Variants in DIP2C observed in about 807,000 individuals in gnomAD.
The protein encoded by DIP2C is DIP2 acetate--CoA ligase C (putative), also known as disco-interacting protein 2 homolog C.
A neutral mutation model predicts 192.4 loss-of-function variants in DIP2C; 33 were observed. The ratio of observed to expected loss-of-function variants is 0.17; its 90% CI spans 0.13 to 0.23. The LOEUF (loss-of-function observed/expected upper bound fraction) is 0.23, where lower values mean the gene tolerates loss of function less well. Among genes scored for constraint, DIP2C ranks in the 10% least tolerant of loss-of-function variants. The pLI is 1.00. For missense variants in DIP2C, 1,537 were observed against 2,110.1 expected (o/e 0.73, Z 5.32); for synonymous variants, 979 against 864.1 (o/e 1.13, Z -2.33).
intron 1 of DIP2C, among the ~76,000 whole-genome samples, chr10:506,809 T>TC (rs1235513450): frequency 6.6e-6 from 1 of 152,164 alleles, no homozygotes; most frequent in Admixed American, 6.5e-5. Flanking sequence ...AACGAGCCCC[T>TC]CACTGAAGTG....
intron 22 of DIP2C, among the ~76,000 whole-genome samples, chr10:360,829 G>A (rs1278469026): frequency 1.3e-5 from 2 of 152,200 alleles, no homozygotes; most frequent in Non-Finnish European, 2.9e-5. Context: ...GGCAATTTGG[G>A]TGTCAATAGG....
At chr10:396,838 A>G (rs1378541305) in intron 10 of DIP2C, among the ~76,000 whole-genome samples, 80 of 40,206 alleles carry the variant, frequency 2.0e-3, no homozygotes, top group African/African-American at 3.4e-3. Flanking sequence ...GGGGGGGGGG[A>G]AACTGGCTGC....
chr10:349,177 C>T (rs1958666055), intron 25 of DIP2C, among the ~76,000 whole-genome samples, 154 bp downstream of exon 25: 1 of 152,346 alleles, frequency 6.6e-6, no homozygotes, highest in East Asian at 1.9e-4. Flanking sequence ...CGTAGCCAGA[C>T]ACAAACGGGC....
intron 1 of DIP2C, among the ~76,000 whole-genome samples, chr10:489,555 G>A (rs1431295359): frequency 6.6e-6 from 1 of 151,960 alleles, no homozygotes; most frequent in Non-Finnish European, 1.5e-5. Flanking sequence ...GGGAGACGGT[G>A]GCTCTGACAG....
At chr10:682,558 C>T (rs1001157214) in intron 1 of DIP2C, among the ~76,000 whole-genome samples, 3 of 151,792 alleles carry the variant, frequency 2.0e-5, no homozygotes, top group East Asian at 1.9e-4. Context: ...AACATTAAAA[C>T]GATGAAGTAG....
intron 3 of DIP2C, among the ~76,000 whole-genome samples, chr10:457,472 C>G (rs895673079): frequency 2.0e-5 from 3 of 152,212 alleles, no homozygotes; most frequent in Admixed American, 6.5e-5. Flanking sequence ...CCAATGAAAC[C>G]AATCTATCCT....
At chr10:487,267 T>C (rs188018120) in intron 1 of DIP2C, among the ~76,000 whole-genome samples, 1 of 152,356 alleles carries the variant, frequency 6.6e-6, no homozygotes, top group East Asian at 1.9e-4. Flanking sequence ...TTTTTGGATC[T>C]GTTGTATTGT....
At chr10:545,876 A>G (rs1724380430) in intron 1 of DIP2C, among the ~76,000 whole-genome samples, 1 of 152,224 alleles carries the variant, frequency 6.6e-6, no homozygotes, top group South Asian at 2.1e-4. Flanking sequence ...TCAACAGATT[A>G]GAAGGTACAC....
At chr10:420,028 T>G (rs948097761) in intron 5 of DIP2C, among the ~76,000 whole-genome samples, 1 of 152,172 alleles carries the variant, frequency 6.6e-6, no homozygotes, top group Non-Finnish European at 1.5e-5. Flanking sequence ...GGCGCCACGA[T>G]GCGGATCGCG....
rs73587867 is a variant in DIP2C at position 394,148 on chromosome 10, A to C, written c.1261-3285T>G. On this transcript the variant is annotated intron_variant, in intron 10 of 36. Coordinates refer to ENST00000280886, the MANE Select transcript of DIP2C (RefSeq NM_014974.3). ...GGAGTGTTATCCACAAGGGTCAAGAAGACAAATCAACCACAGTGCCCAAAG... is the reference window on the plus strand; with the variant it reads ...GGAGTGTTATCCACAAGGGTCAAGACGACAAATCAACCACAGTGCCCAAAG... Among the ~76,000 whole-genome samples, 1,055 of 152,380 alleles carry C rather than the reference A, an allele frequency of 6.9e-3. 17 individuals are homozygous for C. Among genetic ancestry groups the C allele is most frequent in the African/African-American group, 0.024 (1,015 of 41,586 alleles).
intron 1 of DIP2C, among the ~76,000 whole-genome samples, chr10:611,377 C>T (rs1853087521): frequency 6.6e-6 from 1 of 152,170 alleles, no homozygotes; most frequent in Admixed American, 6.5e-5. Flanking sequence ...GGAAGAATAG[C>T]GCAGGCCGCA....
At chr10:514,817 A>G (rs561342124) in intron 1 of DIP2C, among the ~76,000 whole-genome samples, 45 of 152,258 alleles carry the variant, frequency 3.0e-4, no homozygotes, top group African/African-American at 1.1e-3. Context: ...TAGGAGTCTC[A>G]ATATCAGAAT....
intron 32 of DIP2C, among the ~76,000 whole-genome samples, chr10:304,098 G>A (rs1956193686): frequency 6.6e-6 from 1 of 152,108 alleles, no homozygotes; most frequent in Non-Finnish European, 1.5e-5. Flanking sequence ...CTAAGATAAC[G>A]ACATTAAAGG....
At chr10:399,048 T>C in intron 10 of DIP2C, 61 bp downstream of exon 10, 1 of 1,428,328 alleles carries the variant, frequency 7.0e-7, no homozygotes, top group East Asian at 2.3e-5. Context: ...CCAGCCGGGA[T>C]ACAGCCACCG....
intron 1 of DIP2C, among the ~76,000 whole-genome samples, chr10:537,494 G>A (rs950297092): frequency 1.3e-5 from 2 of 152,150 alleles, no homozygotes; most frequent in African/African-American, 4.8e-5. Context: ...GACAACACAA[G>A]TAACTACGAC....
Position 283,190 on chromosome 10 carries a change from C to A in DIP2C, c.4294+82G>T. 2.6e-6 allele frequency: 4 copies of A among 1,530,012 alleles called. No individual in the cohort carries two copies. The South Asian group carries it at 5.1e-5, about 20-fold the overall frequency. The allele number at this position is 1,530,012 out of a possible 1,614,324, so 94.8% of individuals were successfully genotyped here. On this transcript the variant is annotated intron_variant, in intron 35 of 36. Coordinates refer to ENST00000280886, the MANE Select transcript of DIP2C (RefSeq NM_014974.3). ...CCCTCCTGGCTTTGGCTGCTGTAAA[C>A]CTTGGGAAAGGCTTCTGTATCTACA...
At chr10:525,242 C>T (rs540357484) in intron 1 of DIP2C, among the ~76,000 whole-genome samples, 1 of 152,268 alleles carries the variant, frequency 6.6e-6, no homozygotes, top group Non-Finnish European at 1.5e-5. Flanking sequence ...GCTCCTAACG[C>T]CTCAAACCGA....
chr10:446,654 C>G (rs926707256), intron 3 of DIP2C, among the ~76,000 whole-genome samples: 2 of 152,200 alleles, frequency 1.3e-5, no homozygotes, highest in Non-Finnish European at 2.9e-5. Context: ...CCCTGACACC[C>G]AACTGTGGGC....
chr10:568,765 C>CCAAA (rs1849593726), intron 1 of DIP2C, among the ~76,000 whole-genome samples: 3 of 37,862 alleles, frequency 7.9e-5, no homozygotes, highest in African/African-American at 2.0e-4. Context: ...AACTCCGTCT[C>CCAAA]AAAAAAAAAA....
Sources: allele counts gnomAD v4.1 joint callset (sites outside exome capture counted in the v4.1 genomes callset), GRCh38; gene constraint gnomAD v4.1.1; transcripts MANE v1.5; gene names NCBI Gene and HGNC (gene_info 2026-07-23, HGNC 2026-07-21).